Variants in NEXN observed in about 807,000 individuals in gnomAD.
NEXN encodes nexilin.
In NEXN, 65 loss-of-function variants were observed where a neutral mutation model predicts 92.6. That is an observed-to-expected ratio of 0.70 (90% CI 0.57 to 0.86). The LOEUF is 0.86. Ranked by LOEUF, NEXN falls within the 40% of genes least tolerant of loss-of-function variation. The pLI is 0.00. For synonymous variants in NEXN, 254 were observed against 242.5 expected (o/e 1.05, Z -0.44); for missense variants, 778 against 771.1 (o/e 1.01, Z -0.11).
chr1:77,910,916 T>C (rs1648528050), intron 1 of NEXN, among the ~76,000 whole-genome samples: 1 of 152,104 alleles, frequency 6.6e-6, no homozygotes, highest in Admixed American at 6.6e-5. Flanking sequence ...TAGCTTACAG[T>C]AACTTTGAGT....
In NEXN at chr1:77,929,307, T is replaced by C. The variant is rs182083204; in HGVS notation, c.865-9T>C. The C allele has an allele frequency of 1.9e-5, 29 of 1,567,558 alleles. 1 individual carries two copies. In the Admixed American group the frequency reaches 2.5e-4, roughly 14 times the overall value. ...TCAATTCTTAGTAATGAATTGTTTA[T>C]TTGGTTAGGTAAATGAAGATGAGGA... On this transcript the variant is annotated splice_polypyrimidine_tract_variant and intron_variant, in intron 8 of 12. Coordinates refer to ENST00000334785, the MANE Select transcript of NEXN (RefSeq NM_144573.4).
chr1:77,901,272 A>T (rs1488637470), intron 1 of NEXN, among the ~76,000 whole-genome samples: 1 of 152,160 alleles, frequency 6.6e-6, no homozygotes, highest in African/African-American at 2.4e-5. Context: ...CAGATATGAG[A>T]ATGTATTTTT....
At chr1:77,940,419 G>C (rs1651163661) in intron 11 of NEXN, among the ~76,000 whole-genome samples, 1 of 152,062 alleles carries the variant, frequency 6.6e-6, no homozygotes, top group South Asian at 2.1e-4. Context: ...TTTTAACCTG[G>C]CTTTTTAGGA....
intron 9 of NEXN, among the ~76,000 whole-genome samples, chr1:77,931,115 C>A (rs548113804): frequency 6.6e-6 from 1 of 151,552 alleles, no homozygotes; most frequent in Non-Finnish European, 1.5e-5. Context: ...AAGCCGGGCG[C>A]GGTGGCTCAC....
chr1:77,942,434 A>C, intron 12 of NEXN, 27 bp from the exon 13 acceptor site: 1 of 1,601,670 alleles, frequency 6.2e-7, no homozygotes, highest in Non-Finnish European at 8.6e-7. Context: ...TATAAATGCC[A>C]ACCTGAATGC....
chr1:77,940,882 A>G (rs1180509327), intron 11 of NEXN, among the ~76,000 whole-genome samples: 1 of 152,242 alleles, frequency 6.6e-6, no homozygotes, highest in Non-Finnish European at 1.5e-5. Context: ...AAGGTAAATA[A>G]TGGCACAAAA....
At chr1:77,936,379 G>A (rs751054992) in intron 11 of NEXN, among the ~76,000 whole-genome samples, 9 of 152,156 alleles carry the variant, frequency 5.9e-5, no homozygotes, top group Non-Finnish European at 1.2e-4. Flanking sequence ...CATGATCCAG[G>A]AGTCCTAGGC....
chr1:77,913,351 G>A (rs1163966516), intron 1 of NEXN, among the ~76,000 whole-genome samples: 1 of 151,474 alleles, frequency 6.6e-6, no homozygotes, highest in African/African-American at 2.4e-5. Context: ...GGAGGCGGAG[G>A]TTGCAGTGAG....
rs531315786 is a variant in NEXN, at chr1:77,917,754, G to A, written c.216G>A (p.Gln72=). The change falls in exon 3 of 13, where the codon CAG becomes CAA. Residue 72 remains glutamine (Q), a synonymous_variant. Coordinates refer to ENST00000334785, the MANE Select transcript of NEXN (RefSeq NM_144573.4). ...IREREWNRRK[Q]EIKEMLASDD... Reference sequence around the variant, plus strand: ...AGAGAGAATGGAACAGGAGAAAGCAGGAGGTTATTTTATTTTACTTTATTC... The same window carrying A: ...AGAGAGAATGGAACAGGAGAAAGCAAGAGGTTATTTTATTTTACTTTATTC... The A allele has an allele frequency of 3.1e-6, 5 of 1,604,426 alleles. No homozygotes were observed. In the South Asian group the frequency reaches 5.5e-5, roughly 18 times the overall value.
intron 2 of NEXN, among the ~76,000 whole-genome samples, chr1:77,917,155 T>C (rs1225256044): frequency 6.6e-6 from 1 of 152,200 alleles, no homozygotes; most frequent in African/African-American, 2.4e-5. Flanking sequence ...TGTTTTCAAC[T>C]TCACCAAATT....
intron 9 of NEXN, chr1:77,931,517 T>G (rs1008252955): frequency 5.3e-5 from 8 of 151,848 alleles, no homozygotes; most frequent in Admixed American, 5.2e-4. Context: ...CAATACTGCC[T>G]TTTTACCATG....
chr1:77,917,727 A>G lies in NEXN; in HGVS notation c.189A>G (p.Arg63=). The G allele has an allele frequency of 6.2e-7, 1 of 1,610,920 alleles. No homozygotes were observed. Among genetic ancestry groups the G allele is most frequent in the Non-Finnish European group, 8.5e-7 (1 of 1,177,546 alleles). The change falls in exon 3 of 13, where the codon AGA becomes AGG. Residue 63 remains arginine, a synonymous_variant. Transcript: ENST00000334785. ...EKQRRKEQYI[R]EREWNRRKQE... ...AAAGAAGAAAAGAACAATATATTAG[A>G]GAGAGAGAATGGAACAGGAGAAAGC...
intron 1 of NEXN, among the ~76,000 whole-genome samples, chr1:77,914,261 G>T (rs373555160): frequency 8.5e-5 from 13 of 152,180 alleles, no homozygotes; most frequent in African/African-American, 3.1e-4. Context: ...GTCAGTATAG[G>T]TTCATCATTT....
At chr1:77,935,243 G>A (rs1650652357) in intron 10 of NEXN, among the ~76,000 whole-genome samples, 1 of 152,152 alleles carries the variant, frequency 6.6e-6, no homozygotes, top group African/African-American at 2.4e-5. Flanking sequence ...TCACCATGTT[G>A]TCCAGGCTGG....
rs1269936295 is a variant in NEXN, at chr1:77,917,959, G to C, written c.220-1G>C. ...TCACATTAATTTATTTAACCATCTAGATTAAAGAAATGCTTGCTTCTGATG... is the reference window on the plus strand; with the variant it reads ...TCACATTAATTTATTTAACCATCTACATTAAAGAAATGCTTGCTTCTGATG... On this transcript the variant is annotated splice_acceptor_variant, in intron 3 of 12. Coordinates refer to ENST00000334785, the MANE Select transcript of NEXN (RefSeq NM_144573.4). LOFTEE classifies it high-confidence loss of function. 1 of 1,610,086 alleles carries C rather than the reference G, an allele frequency of 6.2e-7. No homozygotes were observed. The highest frequency in any genetic ancestry group is 2.2e-5 in the East Asian group (1 of 44,780).
chr1:77,943,203 GA>G lies in NEXN; in HGVS notation c.*375del, dbSNP rs1383754733. On this transcript the variant is annotated 3_prime_UTR_variant, in exon 13 of 13. Transcript: ENST00000334785. ...TATTATAAAGACTGTATTTCCCATA[GA>G]CGTTTACAGCAACTATGTTTAAAAA... The G allele has an allele frequency of 4.3e-6, 1 of 231,784 alleles. No homozygotes were observed. Among genetic ancestry groups the G allele is most frequent in the African/African-American group, 2.3e-5 (1 of 43,120 alleles). 14.4% of individuals were successfully genotyped at this position (231,784 alleles called of 1,614,324 possible).
At chr1:77,942,235 T>C in intron 12 of NEXN, 27 bp downstream of exon 12, 1 of 1,606,416 alleles carries the variant, frequency 6.2e-7, no homozygotes, top group Middle Eastern at 1.7e-4. Context: ...TCCTTTATTT[T>C]CCAAAGATGC....
intron 9 of NEXN, among the ~76,000 whole-genome samples, chr1:77,931,116 G>A (rs558475606): frequency 1.4e-4 from 21 of 151,912 alleles, no homozygotes; most frequent in African/African-American, 4.3e-4. Context: ...AGCCGGGCGC[G>A]GTGGCTCACG....
chr1:77,890,907 C>G (rs909195079), intron 1 of NEXN, among the ~76,000 whole-genome samples: 1 of 152,100 alleles, frequency 6.6e-6, no homozygotes, highest in Admixed American at 6.6e-5. Flanking sequence ...CACACACACA[C>G]AGAACATCTT....
Sources: gnomAD v4.1 joint callset for allele counts (sites outside exome capture counted in the v4.1 genomes callset) on GRCh38, gnomAD v4.1.1 for gene constraint, MANE v1.5 for transcripts, NCBI Gene and HGNC (gene_info 2026-07-23, HGNC 2026-07-21) for gene names.